GRAP2: variants seen among roughly 807,000 people sequenced by gnomAD.
GRAP2 encodes the protein GRB2 related adaptor protein 2, also known as GRB2-related adapter protein 2.
Under a neutral mutation model 43.5 loss-of-function variants are expected in GRAP2, and 31 were observed. That is an observed-to-expected ratio of 0.71 (90% CI 0.54 to 0.96). GRAP2 has a LOEUF of 0.96. Ranked by LOEUF, GRAP2 falls within the 40% of genes least tolerant of loss-of-function variation. The pLI is 0.00. For missense variants in GRAP2, 371 were observed against 424.4 expected (o/e 0.87, Z 1.11); for synonymous variants, 156 against 164.8 (o/e 0.95, Z 0.41).
chr22:39,914,034 C>T (rs374735483), intron 1 of GRAP2, among the ~76,000 whole-genome samples: 2 of 152,184 alleles, frequency 1.3e-5, no homozygotes, highest in East Asian at 3.8e-4. Context: ...TTCCATTAGT[C>T]TGTTGCCCTG....
chr22:39,930,988 C>T (rs1422391013), intron 1 of GRAP2, among the ~76,000 whole-genome samples: 1 of 152,186 alleles, frequency 6.6e-6, no homozygotes, highest in African/African-American at 2.4e-5. Flanking sequence ...CCTTTGGGTT[C>T]CTGAACCACT....
In GRAP2 at chr22:39,972,073, C is replaced by T. The variant is rs1024196768; in HGVS notation, c.*989C>T. 1 of 152,232 alleles carries T rather than the reference C, an allele frequency of 6.6e-6. No individual in the cohort carries two copies. The highest frequency in any genetic ancestry group is 1.5e-5 in the Non-Finnish European group (1 of 68,048). The allele number at this position is 152,232 out of a possible 1,614,324, so 9.4% of individuals were successfully genotyped here. On this transcript the variant is annotated 3_prime_UTR_variant, in exon 8 of 8. Coordinates refer to ENST00000344138, the MANE Select transcript of GRAP2 (RefSeq NM_004810.4). ...TATGAATTGATTGACTAAACATGAC[C>T]CCAGGTGGAAGCTGGCTTTGACACC...
intron 1 of GRAP2, among the ~76,000 whole-genome samples, chr22:39,907,306 C>T (rs1362135253): frequency 6.6e-6 from 1 of 152,198 alleles, no homozygotes; most frequent in African/African-American, 2.4e-5. Context: ...AAAAAACCAA[C>T]GATGCCTAGC....
At chr22:39,935,784 T>C (rs2066800787) in intron 1 of GRAP2, among the ~76,000 whole-genome samples, 1 of 152,176 alleles carries the variant, frequency 6.6e-6, no homozygotes, top group Admixed American at 6.5e-5. Flanking sequence ...ATTAAAGTAA[T>C]TGTGGTCATG....
intron 1 of GRAP2, among the ~76,000 whole-genome samples, chr22:39,904,167 T>C (rs1210482946): frequency 6.6e-6 from 1 of 152,094 alleles, no homozygotes; most frequent in Non-Finnish European, 1.5e-5. Flanking sequence ...AGCAGGCAGA[T>C]CATCTGAGGT....
intron 1 of GRAP2, among the ~76,000 whole-genome samples, chr22:39,920,990 A>AC: frequency 7.2e-6 from 1 of 138,368 alleles, no homozygotes; most frequent in Non-Finnish European, 1.6e-5. Context: ...ACACACACAC[A>AC]ATCTGATGTA....
intron 1 of GRAP2, among the ~76,000 whole-genome samples, chr22:39,923,558 G>A (rs1367613666): frequency 6.6e-6 from 1 of 152,130 alleles, no homozygotes; most frequent in African/African-American, 2.4e-5. Context: ...TGAAGCCAGG[G>A]ATTTTGTCTC....
chr22:39,958,802 G>T (rs955561970), intron 3 of GRAP2, among the ~76,000 whole-genome samples: 8 of 152,168 alleles, frequency 5.3e-5, no homozygotes, highest in African/African-American at 1.7e-4. Flanking sequence ...AGTGGTGTGT[G>T]TGGTGGCCTC....
chr22:39,960,319 C>G, intron 4 of GRAP2, 145 bp downstream of exon 4: 1 of 706,132 alleles, frequency 1.4e-6, no homozygotes, highest in South Asian at 1.7e-5. Flanking sequence ...AGCTTCACAA[C>G]CTGCTGCTCC....
chr22:39,897,447 C>T (rs369412441), upstream of GRAP2, among the ~76,000 whole-genome samples: 1 of 151,922 alleles, frequency 6.6e-6, no homozygotes. Flanking sequence ...AATCCAACCA[C>T]TTCCCACCAC....
At chr22:39,950,871 G>A (rs371405103) in intron 2 of GRAP2, among the ~76,000 whole-genome samples, 2 of 152,324 alleles carry the variant, frequency 1.3e-5, no homozygotes, top group African/African-American at 4.8e-5. Flanking sequence ...TCCTCAATGG[G>A]TAACACACCC....
At chr22:39,956,327 T>A (rs2067050678) in intron 3 of GRAP2, among the ~76,000 whole-genome samples, 1 of 151,610 alleles carries the variant, frequency 6.6e-6, no homozygotes, top group Admixed American at 6.6e-5. Flanking sequence ...CAGGCTAGTT[T>A]TTGTATTTTT....
intron 1 of GRAP2, among the ~76,000 whole-genome samples, chr22:39,921,973 T>C (rs941125358): frequency 1.3e-5 from 2 of 152,168 alleles, no homozygotes; most frequent in Admixed American, 1.3e-4. Context: ...TTCCATCATA[T>C]TGTCAGTTGG....
At chr22:39,908,994 C>G (rs1006867341) in intron 1 of GRAP2, among the ~76,000 whole-genome samples, 1 of 152,112 alleles carries the variant, frequency 6.6e-6, no homozygotes, top group African/African-American at 2.4e-5. Flanking sequence ...CTCATCGACT[C>G]CTCTGTCCTC....
chr22:39,957,357 C>G lies in GRAP2; in HGVS notation c.170+1447C>G, dbSNP rs1447031225. 2.6e-5 allele frequency among the ~76,000 whole-genome samples: 4 copies of G among 152,144 alleles called. No homozygotes were observed. In the East Asian group the frequency reaches 7.7e-4, roughly 29 times the overall value. ...AGCCCCTCCGTGCATCACTCTTAGC[C>G]CGTGACCTTGATTCCAGGTTCTCTG... On this transcript the variant is annotated intron_variant, in intron 3 of 7. Coordinates refer to ENST00000344138, the MANE Select transcript of GRAP2 (RefSeq NM_004810.4).
At chr22:39,933,318 A>G (rs1362139207) in intron 1 of GRAP2, among the ~76,000 whole-genome samples, 1 of 152,224 alleles carries the variant, frequency 6.6e-6, no homozygotes, top group African/African-American at 2.4e-5. Flanking sequence ...GAGAAGGAAG[A>G]CCAGTGCAGA....
At chr22:39,961,642 T>C (rs2067120893) in intron 4 of GRAP2, among the ~76,000 whole-genome samples, 1 of 152,166 alleles carries the variant, frequency 6.6e-6, no homozygotes, top group African/African-American at 2.4e-5. Context: ...CGGAACACAC[T>C]GTGTGTGGTC....
At position 39,964,318 on chromosome 22, in the gene GRAP2, T is replaced by C. The variant is rs907947013; in HGVS notation, c.291-1672T>C. 4.4e-6 allele frequency: 3 copies of C among 688,202 alleles called. No homozygotes were observed. The African/African-American group carries it at 5.3e-5, about 12-fold the overall frequency. 42.6% of individuals were successfully genotyped at this position (688,202 alleles called of 1,614,324 possible). ...AGTCCAGACTGGCAACAAAAGGTGC[T>C]GATCTAAAAGAAGTTATCGTCCAGT... On this transcript the variant is annotated intron_variant, in intron 4 of 7. Coordinates refer to ENST00000344138, the MANE Select transcript of GRAP2 (RefSeq NM_004810.4).
In GRAP2 at chr22:39,955,813, A is replaced by G. The variant is rs376764591; in HGVS notation, c.79-6A>G. The G allele has an allele frequency of 7.3e-5, 105 of 1,447,006 alleles. No individual in the cohort carries two copies. In the African/African-American group the frequency reaches 1.3e-3, roughly 17 times the overall value. The allele number at this position is 1,447,006 out of a possible 1,614,324, so 89.6% of individuals were successfully genotyped here. On this transcript the variant is annotated splice_region_variant and splice_polypyrimidine_tract_variant and intron_variant, in intron 2 of 7. Transcript: ENST00000344138. The stretch of plus-strand genomic sequence containing the variant: ...ATGTCTTTGTCTTTCCTTTTCTTCC[A>G]TGTAGATTTTAAGTAACCAAGAGGA...
Sources: allele counts gnomAD v4.1 joint callset (sites outside exome capture counted in the v4.1 genomes callset), GRCh38; gene constraint gnomAD v4.1.1; transcripts MANE v1.5; gene names NCBI Gene and HGNC (gene_info 2026-07-23, HGNC 2026-07-21).